SLC35F4: variants seen among roughly 807,000 people sequenced by gnomAD.
SLC35F4 encodes solute carrier family 35 member F4, also known as chromosome 14 open reading frame 36.
A neutral mutation model predicts 44.2 loss-of-function variants in SLC35F4; 24 were observed. The observed-to-expected ratio is 0.54, with a 90% confidence interval of 0.39 to 0.76. The LOEUF is 0.76. SLC35F4 is among the 30% of genes least tolerant of loss of function. The pLI is 0.00. For synonymous variants in SLC35F4, 238 were observed against 223.6 expected, an observed-to-expected ratio of 1.06 and a Z score of -0.57; for missense variants, 562 against 586.1, an observed-to-expected ratio of 0.96 and a Z score of 0.42.
intron 1 of SLC35F4, among the ~76,000 whole-genome samples, chr14:57,603,581 C>T (rs900017133): frequency 6.6e-6 from 1 of 152,158 alleles, no homozygotes; most frequent in African/African-American, 2.4e-5. Flanking sequence ...TCCTGGAAGC[C>T]ACAATGGTTA....
At chr14:57,836,552 A>G (rs1884950875) in intron 1 of SLC35F4, among the ~76,000 whole-genome samples, 1 of 152,184 alleles carries the variant, frequency 6.6e-6, no homozygotes, top group African/African-American at 2.4e-5. Flanking sequence ...CAGCCTCCCA[A>G]AGTGCTGGGA....
At chr14:57,588,551 A>G (rs1277154274) in intron 3 of SLC35F4, among the ~76,000 whole-genome samples, 1 of 152,222 alleles carries the variant, frequency 6.6e-6, no homozygotes, top group East Asian at 1.9e-4. Context: ...AGGGGCTTAC[A>G]GAAGCCAGAT....
At position 57,742,138 on chromosome 14, in the gene SLC35F4, A is replaced by G. The variant is rs1422299775; in HGVS notation, c.103+123585T>C. 2.0e-5 allele frequency among the ~76,000 whole-genome samples: 3 copies of G among 152,216 alleles called. No homozygotes were observed. In the East Asian group the frequency reaches 5.8e-4, roughly 29 times the overall value. On this transcript the variant is annotated intron_variant, in intron 1 of 7. Coordinates refer to ENST00000556826, the MANE Select transcript of SLC35F4 (RefSeq NM_001306087.2). ...AAAAACATGCCAAATTGTAAAGACC[A>G]TCCAGGCTAGGAAGAAACTGCATCA... is the stretch of plus-strand genomic sequence containing the variant.
intron 1 of SLC35F4, among the ~76,000 whole-genome samples, chr14:57,912,350 T>C (rs1405700046): frequency 3.3e-5 from 5 of 151,656 alleles, no homozygotes; most frequent in Non-Finnish European, 5.9e-5. Flanking sequence ...ACGTAGATTA[T>C]TGACTTTTAT....
Position 57,908,794 on chromosome 14 carries a change from C to A in SLC35F4, n.282+73119G>T, listed in dbSNP as rs371090402. Among the ~76,000 whole-genome samples, 47 of 152,284 alleles carry A rather than the reference C, an allele frequency of 3.1e-4. 2 individuals carry two copies. The highest frequency in any genetic ancestry group is 1.5e-3 in the Admixed American group (23 of 15,300). ...CAGAAGCTCTTTAGTTTAATTAGAT[C>A]CCATTTGTCAATTTTGGCTTTTGTT... On this transcript the variant is annotated intron_variant and non_coding_transcript_variant, in intron 1 of 1. Coordinates refer to the SLC35F4 transcript ENST00000556568.
At chr14:57,687,225 C>G (rs2075092909) in intron 1 of SLC35F4, among the ~76,000 whole-genome samples, 1 of 152,130 alleles carries the variant, frequency 6.6e-6, no homozygotes, top group Non-Finnish European at 1.5e-5. Context: ...CCCTAGAAGA[C>G]TAAGGCAAGG....
chr14:57,753,967 T>C (rs975052556), intron 1 of SLC35F4, among the ~76,000 whole-genome samples: 3 of 152,124 alleles, frequency 2.0e-5, no homozygotes, highest in Non-Finnish European at 4.4e-5. Flanking sequence ...GGCAGCTCCA[T>C]GGATTGAGAA....
intron 1 of SLC35F4, among the ~76,000 whole-genome samples, chr14:57,698,197 G>A (rs1377872354): frequency 6.6e-6 from 1 of 152,152 alleles, no homozygotes; most frequent in Non-Finnish European, 1.5e-5. Context: ...TATCATGGCT[G>A]CAGTGTAAGG....
chr14:57,844,761 C>T (rs554645225), intron 1 of SLC35F4, among the ~76,000 whole-genome samples: 183 of 152,298 alleles, frequency 1.2e-3, no homozygotes, highest in African/African-American at 3.8e-3. Context: ...CCAGGTACCT[C>T]GAAGGAGTCA....
At chr14:57,683,663 C>A (rs1315263979) in intron 1 of SLC35F4, among the ~76,000 whole-genome samples, 1 of 152,168 alleles carries the variant, frequency 6.6e-6, no homozygotes, top group African/African-American at 2.4e-5. Context: ...CCCTTTACTA[C>A]TATTTTGTGA....
intron 1 of SLC35F4, among the ~76,000 whole-genome samples, chr14:57,949,453 G>A (rs1890095585): frequency 6.6e-6 from 1 of 152,140 alleles, no homozygotes; most frequent in Non-Finnish European, 1.5e-5. Flanking sequence ...GAAGACAGCA[G>A]ATACTTGGTT....
chr14:57,884,338 T>C (rs1019278041), intron 1 of SLC35F4, among the ~76,000 whole-genome samples: 3 of 152,188 alleles, frequency 2.0e-5, no homozygotes, highest in African/African-American at 7.2e-5. Context: ...GCAGAGTATA[T>C]TTAGTTATAC....
chr14:57,723,278 G>T (rs571040679), intron 1 of SLC35F4, among the ~76,000 whole-genome samples: 24 of 152,140 alleles, frequency 1.6e-4, no homozygotes, highest in Non-Finnish European at 3.2e-4. Context: ...CCCCCACATT[G>T]GCTCCCTGAC....
intron 1 of SLC35F4, among the ~76,000 whole-genome samples, chr14:57,963,808 A>C (rs1890383290): frequency 6.9e-6 from 1 of 145,192 alleles, no homozygotes; most frequent in African/African-American, 2.6e-5. Context: ...CTGCCACTTC[A>C]ACTTCCTGGG....
intron 1 of SLC35F4, among the ~76,000 whole-genome samples, chr14:57,792,972 G>C (rs1272922257): frequency 2.0e-5 from 3 of 151,928 alleles, no homozygotes; most frequent in Non-Finnish European, 4.4e-5. Context: ...TATTAAAATG[G>C]AATACATTAA....
chr14:57,915,957 C>A (rs1414834304), intron 1 of SLC35F4, among the ~76,000 whole-genome samples: 2 of 152,178 alleles, frequency 1.3e-5, no homozygotes, highest in African/African-American at 4.8e-5. Context: ...CCCACATTTT[C>A]AGATATTTGC....
At chr14:57,702,264 G>A (rs1161700624) in intron 1 of SLC35F4, among the ~76,000 whole-genome samples, 1 of 147,276 alleles carries the variant, frequency 6.8e-6, no homozygotes, top group East Asian at 2.0e-4. Context: ...CCCTGAATAC[G>A]CACAGTTTAC....
intron 1 of SLC35F4, among the ~76,000 whole-genome samples, chr14:57,932,190 G>T (rs150238232): frequency 6.6e-6 from 1 of 152,158 alleles, no homozygotes; most frequent in East Asian, 1.9e-4. Context: ...AGGTTATTTG[G>T]AGTGGTTTTT....
chr14:57,590,712 T>C, intron 2 of SLC35F4, among the ~76,000 whole-genome samples: 1 of 152,176 alleles, frequency 6.6e-6, no homozygotes, highest in East Asian at 1.9e-4. Flanking sequence ...AGATCCCAGA[T>C]GGTAATTGCC....
Sources: allele counts gnomAD v4.1 joint callset (sites outside exome capture counted in the v4.1 genomes callset), GRCh38; gene constraint gnomAD v4.1.1; transcripts MANE v1.5; gene names NCBI Gene and HGNC (gene_info 2026-07-23, HGNC 2026-07-21).